The following GPC5 variants were observed in gnomAD, a reference collection of about 807,000 sequenced individuals.
The protein encoded by GPC5 is glypican-5.
GPC5 carries 47 observed loss-of-function variants against 53.9 expected under a neutral mutation model. The observed-to-expected ratio is 0.87, with a 90% CI of 0.69 to 1.11. The LOEUF (loss-of-function observed/expected upper bound fraction) is 1.11. Ranked by LOEUF, GPC5 falls within the 50% of genes most tolerant of loss-of-function variation. GPC5 has a pLI of 0.00. For synonymous variants in GPC5, 286 were observed against 263.3 expected (o/e 1.09, Z -0.84); for missense variants, 748 against 713.1 (o/e 1.05, Z -0.56).
intron 5 of GPC5, among the ~76,000 whole-genome samples, chr13:91,795,654 T>G (rs575852672): frequency 3.9e-5 from 6 of 152,312 alleles, no homozygotes; most frequent in African/African-American, 1.4e-4. Context: ...CTTTATTTTC[T>G]GGCTTGCCTA....
chr13:92,235,832 CT>C (rs1173136715), intron 7 of GPC5, among the ~76,000 whole-genome samples: 2 of 152,054 alleles, frequency 1.3e-5, no homozygotes, highest in African/African-American at 4.8e-5. Context: ...CAAAGTCCCC[CT>C]CTCACTTTTA....
At chr13:92,184,152 C>A (rs2042166586) in intron 7 of GPC5, among the ~76,000 whole-genome samples, 2 of 151,526 alleles carry the variant, frequency 1.3e-5, no homozygotes, top group African/African-American at 4.8e-5. Context: ...TTGGCTTTTT[C>A]TTTTTTCTTT....
At chr13:92,628,264 C>CTTTGTTTTTTTTTTTTTTTT (rs1885115304) in intron 7 of GPC5, among the ~76,000 whole-genome samples, 1 of 45,338 alleles carries the variant, frequency 2.2e-5, no homozygotes, top group African/African-American at 7.3e-5. Context: ...CTTTTTCTTT[C>CTTTGTTTTTTTTTTTTTTTT]TTTTTTTTTT....
intron 7 of GPC5, among the ~76,000 whole-genome samples, chr13:92,257,546 A>ATTTTTTTTTTTTTTTTTTTTTGT (rs2042735907): frequency 1.4e-5 from 1 of 72,966 alleles, no homozygotes; most frequent in Non-Finnish European, 2.3e-5. Context: ...TAATACAGGG[A>ATTTTTTTTTTTTTTTTTTTTTGT]TTTTTTTTTT....
intron 2 of GPC5, among the ~76,000 whole-genome samples, chr13:91,522,411 T>G (rs1885868243): frequency 6.6e-6 from 1 of 152,222 alleles, no homozygotes; most frequent in Non-Finnish European, 1.5e-5. Context: ...ATATGTATCT[T>G]ATAATAGCAC....
At chr13:92,031,545 A>ATTCT (rs938202634) in intron 6 of GPC5, among the ~76,000 whole-genome samples, 2 of 150,042 alleles carry the variant, frequency 1.3e-5, no homozygotes, top group East Asian at 2.0e-4. Flanking sequence ...ACCAACATCT[A>ATTCT]TTCTTTCTTT....
At chr13:92,562,324 G>T (rs1443184858) in intron 7 of GPC5, among the ~76,000 whole-genome samples, 1 of 152,036 alleles carries the variant, frequency 6.6e-6, no homozygotes, top group Non-Finnish European at 1.5e-5. Flanking sequence ...TTGCCAAGAA[G>T]TCTGTGTTCT....
intron 7 of GPC5, among the ~76,000 whole-genome samples, chr13:92,610,119 TA>T (rs1338244704): frequency 6.6e-6 from 1 of 151,980 alleles, no homozygotes; most frequent in African/African-American, 2.4e-5. Flanking sequence ...AAAGATTTTT[TA>T]AAAAGAGAGA....
chr13:92,735,542 G>A (rs1270958298), intron 7 of GPC5, among the ~76,000 whole-genome samples: 2 of 151,900 alleles, frequency 1.3e-5, no homozygotes, highest in East Asian at 1.9e-4. Flanking sequence ...GATGAGAACT[G>A]CATATTCTGA....
chr13:91,913,228 A>T (rs780484133), intron 6 of GPC5, among the ~76,000 whole-genome samples: 8 of 152,038 alleles, frequency 5.3e-5, no homozygotes, highest in Non-Finnish European at 1.2e-4. Flanking sequence ...GTGAAACCCC[A>T]TGCCTACTAA....
chr13:91,486,700 T>C (rs1256424526), intron 2 of GPC5: 1 of 152,186 alleles, frequency 6.6e-6, no homozygotes. Flanking sequence ...AATCCCAATA[T>C]AGTGATTTAA....
intron 5 of GPC5, among the ~76,000 whole-genome samples, chr13:91,790,310 C>A (rs1299890218): frequency 1.3e-5 from 2 of 152,102 alleles, no homozygotes; most frequent in Non-Finnish European, 2.9e-5. Context: ...AGGTCATTTG[C>A]CCAAGGCATA....
chr13:91,473,681 G>T (rs1398605301), intron 2 of GPC5, among the ~76,000 whole-genome samples: 3 of 152,108 alleles, frequency 2.0e-5, no homozygotes, highest in African/African-American at 7.2e-5. Flanking sequence ...GCCAAGAAAA[G>T]AAGCTTAAAC....
intron 7 of GPC5, among the ~76,000 whole-genome samples, chr13:92,149,619 T>C (rs1444592276): frequency 6.6e-6 from 1 of 151,940 alleles, no homozygotes; most frequent in African/African-American, 2.4e-5. Flanking sequence ...CAGAGCAAAA[T>C]GAAAATTACA....
intron 7 of GPC5, among the ~76,000 whole-genome samples, chr13:92,518,537 A>G (rs1880886758): frequency 6.6e-6 from 1 of 152,164 alleles, no homozygotes; most frequent in South Asian, 2.1e-4. Flanking sequence ...AAGCTTCATA[A>G]GTGAAGGAGA....
At chr13:92,696,431 A>G (rs1887559272) in intron 7 of GPC5, among the ~76,000 whole-genome samples, 1 of 152,188 alleles carries the variant, frequency 6.6e-6, no homozygotes, top group Non-Finnish European at 1.5e-5. Flanking sequence ...TTTGATTTGC[A>G]TTTCTCTAAT....
chr13:92,470,836 T>G (rs2139421444), intron 7 of GPC5, among the ~76,000 whole-genome samples: 1 of 152,316 alleles, frequency 6.6e-6, no homozygotes, highest in South Asian at 2.1e-4. Context: ...GGGACTTTGC[T>G]TGCCCCTCTA....
chr13:92,813,843 G>T (rs1271814697), intron 7 of GPC5, among the ~76,000 whole-genome samples: 1 of 151,946 alleles, frequency 6.6e-6, no homozygotes, highest in Non-Finnish European at 1.5e-5. Context: ...ACATTCAGTG[G>T]AATTCAAGTC....
chr13:91,466,516 G>C (rs1276576408), intron 2 of GPC5, among the ~76,000 whole-genome samples: 2 of 152,122 alleles, frequency 1.3e-5, no homozygotes, highest in Non-Finnish European at 2.9e-5. Flanking sequence ...AATTGGTGCT[G>C]TTTTATTAAA....
Sources: allele counts gnomAD v4.1 joint callset (sites outside exome capture counted in the v4.1 genomes callset), GRCh38; gene constraint gnomAD v4.1.1; transcripts MANE v1.5; gene names NCBI Gene and HGNC (gene_info 2026-07-23, HGNC 2026-07-21).